Variants in SLC35F3 observed in about 807,000 individuals in gnomAD.
The protein encoded by SLC35F3 is putative thiamine transporter SLC35F3.
A neutral mutation model predicts 49.9 loss-of-function variants in SLC35F3; 25 were observed. The observed-to-expected ratio is 0.50, with a 90% CI of 0.37 to 0.70. SLC35F3 has a LOEUF of 0.70. SLC35F3 is among the 30% of genes least tolerant of loss of function. SLC35F3 has a pLI of 0.00. For synonymous variants in SLC35F3, 275 were observed against 265.4 expected (o/e 1.04, Z -0.35); for missense variants, 525 against 639.8 (o/e 0.82, Z 1.94).
chr1:233,937,535 C>G lies in SLC35F3; in HGVS notation c.283+31777C>G, dbSNP rs554316843. On this transcript the variant is annotated intron_variant, in intron 2 of 7. Coordinates refer to ENST00000366618, the MANE Select transcript of SLC35F3 (RefSeq NM_173508.4). ...CAAAATGAGGACTTTTCCTATGAAT[C>G]CTGAGACATCAGTTATTTTATTTTA... is the stretch of plus-strand genomic sequence containing the variant. 4.6e-5 allele frequency among the ~76,000 whole-genome samples: 7 copies of G among 152,248 alleles called. No individual in the cohort carries two copies. In the South Asian group the frequency reaches 1.2e-3, roughly 27 times the overall value.
intron 2 of SLC35F3, among the ~76,000 whole-genome samples, chr1:233,953,155 T>C (rs1662634618): frequency 6.6e-6 from 1 of 151,940 alleles, no homozygotes; most frequent in African/African-American, 2.4e-5. Context: ...TAAAATAACA[T>C]TGAGTTGTGA....
intron 3 of SLC35F3, among the ~76,000 whole-genome samples, chr1:234,306,915 G>T (rs1657211150): frequency 6.6e-6 from 1 of 152,182 alleles, no homozygotes; most frequent in South Asian, 2.1e-4. Context: ...TGGAAATTCT[G>T]CTTGCATGAT....
At chr1:234,201,121 G>A (rs1014078941) in intron 2 of SLC35F3, among the ~76,000 whole-genome samples, 4 of 152,180 alleles carry the variant, frequency 2.6e-5, no homozygotes, top group Non-Finnish European at 5.9e-5. Context: ...AAATGCAGGA[G>A]AGGCCCCATG....
intron 2 of SLC35F3, among the ~76,000 whole-genome samples, chr1:234,162,121 T>C (rs1348057764): frequency 6.6e-6 from 1 of 152,094 alleles, no homozygotes; most frequent in Non-Finnish European, 1.5e-5. Flanking sequence ...CATAAGTTCT[T>C]GACCCTCCTG....
intron 2 of SLC35F3, among the ~76,000 whole-genome samples, chr1:233,929,486 C>T (rs4920177): frequency 0.47 from 71,341 of 152,084 alleles, 17,015 homozygotes; most frequent in Admixed American, 0.62. Context: ...TCCTAAATCA[C>T]TGGAAATGGA....
intron 2 of SLC35F3, among the ~76,000 whole-genome samples, chr1:233,948,546 CT>C (rs199796352): frequency 0.13 from 18,741 of 143,580 alleles, 1,241 homozygotes; most frequent in Non-Finnish European, 0.17. Flanking sequence ...TAAGGCGTTT[CT>C]TTTTTTTTTT....
intron 2 of SLC35F3, among the ~76,000 whole-genome samples, chr1:233,969,468 C>A (rs1662957804): frequency 6.6e-6 from 1 of 152,180 alleles, no homozygotes; most frequent in Non-Finnish European, 1.5e-5. Flanking sequence ...TGGTGCCGTT[C>A]CTGCCTTAGT....
intron 2 of SLC35F3, among the ~76,000 whole-genome samples, chr1:234,076,768 T>G (rs1664798041): frequency 6.6e-6 from 1 of 151,668 alleles, no homozygotes; most frequent in African/African-American, 2.4e-5. Flanking sequence ...GCCACAATAA[T>G]AATATTAATT....
At chr1:233,932,606 A>G (rs575148999) in intron 2 of SLC35F3, among the ~76,000 whole-genome samples, 2 of 152,308 alleles carry the variant, frequency 1.3e-5, no homozygotes, top group East Asian at 1.9e-4. Flanking sequence ...GAATTCATCA[A>G]GTGCTTTGCT....
At chr1:234,106,476 G>A (rs1251027833) in intron 2 of SLC35F3, among the ~76,000 whole-genome samples, 2 of 152,126 alleles carry the variant, frequency 1.3e-5, no homozygotes, top group African/African-American at 4.8e-5. Flanking sequence ...TTTGCCTTCT[G>A]GTGAGGCCTC....
At chr1:234,275,616 C>T (rs185294101) in intron 3 of SLC35F3, among the ~76,000 whole-genome samples, 5 of 152,056 alleles carry the variant, frequency 3.3e-5, no homozygotes, top group Non-Finnish European at 7.4e-5. Flanking sequence ...CACACACACA[C>T]ACAAACATAC....
At chr1:234,285,437 A>G in intron 3 of SLC35F3, 12 of 431,564 alleles carry the variant, frequency 2.8e-5, no homozygotes, top group South Asian at 2.0e-4. Context: ...TTTCCAGCTC[A>G]GCAGGTCTGA....
chr1:234,246,940 A>G (rs903559805), intron 3 of SLC35F3, among the ~76,000 whole-genome samples: 3 of 152,208 alleles, frequency 2.0e-5, no homozygotes, highest in African/African-American at 7.2e-5. Flanking sequence ...GTGCTGTCCT[A>G]GGAGCCAGGC....
At chr1:234,267,489 C>T (rs1668006002) in intron 3 of SLC35F3, among the ~76,000 whole-genome samples, 4 of 147,300 alleles carry the variant, frequency 2.7e-5, no homozygotes, top group South Asian at 4.3e-4. Flanking sequence ...CCGGATGGGG[C>T]GGCTGGCCGG....
At chr1:234,215,996 GT>G (rs1019841889) in intron 2 of SLC35F3, among the ~76,000 whole-genome samples, 5 of 152,140 alleles carry the variant, frequency 3.3e-5, no homozygotes, top group Admixed American at 2.6e-4. Flanking sequence ...AGGAGGTTGG[GT>G]TTTTTTCCTT....
chr1:234,280,060 T>C (rs7552485), intron 3 of SLC35F3, among the ~76,000 whole-genome samples: 71,170 of 152,006 alleles, frequency 0.47, 16,941 homozygotes, highest in Non-Finnish European at 0.48. Flanking sequence ...TCCTCTGTGG[T>C]CTTTGATCCT....
At position 234,309,212 on chromosome 1, in the gene SLC35F3, A is replaced by T; in HGVS notation, c.720A>T (p.Ala240=). The T allele has an allele frequency of 6.2e-7, 1 of 1,614,198 alleles. No homozygotes were observed. Among genetic ancestry groups the T allele is most frequent in the Non-Finnish European group, 8.5e-7 (1 of 1,180,030 alleles). ...WTLTNYLYLH[A]IKKINTTDVS... is the part of the protein sequence containing the mutation. ...TCACAAACTACCTGTACTTACATGC[A>T]ATAAAGAAAATAAACACTACGGATG... The change falls in exon 4 of 8, where the codon GCA becomes GCT. Residue 240 remains alanine, a synonymous_variant. Transcript: ENST00000366618.
rs1665882871 is a variant in SLC35F3, at chr1:234,140,015, A to G, written c.284-91402A>G. Among the ~76,000 whole-genome samples, 2 of 150,826 alleles carry G rather than the reference A, an allele frequency of 1.3e-5. 1 individual carries two copies. Among genetic ancestry groups the G allele is most frequent in the South Asian group, 4.2e-4 (2 of 4,816 alleles). The stretch of plus-strand genomic sequence containing the variant: ...AAAATAAAATAAAGTAAGTGACTTG[A>G]ACACAAGTACTGAGATACTGCAACT... On this transcript the variant is annotated intron_variant, in intron 2 of 7. Coordinates refer to ENST00000366618, the MANE Select transcript of SLC35F3 (RefSeq NM_173508.4).
At chr1:233,942,940 G>A (rs1156353982) in intron 2 of SLC35F3, among the ~76,000 whole-genome samples, 1 of 152,138 alleles carries the variant, frequency 6.6e-6, no homozygotes, top group Non-Finnish European at 1.5e-5. Context: ...TCTTATAAGT[G>A]GAATCATGCA....
Sources: gnomAD v4.1 joint callset for allele counts (sites outside exome capture counted in the v4.1 genomes callset) on GRCh38, gnomAD v4.1.1 for gene constraint, MANE v1.5 for transcripts, NCBI Gene and HGNC (gene_info 2026-07-23, HGNC 2026-07-21) for gene names.